RANBP2: variants seen among roughly 807,000 people sequenced by gnomAD.
RANBP2 encodes the protein E3 SUMO-protein ligase RanBP2.
Under a neutral mutation model 303.6 loss-of-function variants are expected in RANBP2, and 57 were observed. The ratio of observed to expected loss-of-function variants is 0.19; its 90% CI spans 0.15 to 0.23. The LOEUF (loss-of-function observed/expected upper bound fraction) is 0.23. Ranked by LOEUF, RANBP2 falls within the 10% of genes least tolerant of loss-of-function variation. The probability of loss-of-function intolerance (pLI) is 1.00; values close to 1 mark genes in which losing one functional copy is unlikely to be tolerated. For synonymous variants in RANBP2, 1,167 were observed against 1,301.5 expected, an observed-to-expected ratio of 0.90 and a Z score of 2.23; for missense variants, 3,138 against 3,780.8, an observed-to-expected ratio of 0.83 and a Z score of 4.46.
At chr2:109,345,312 G>A in the RANBP2 span, among the ~76,000 whole-genome samples, 1 of 152,142 alleles carries the variant, frequency 6.6e-6, no homozygotes, top group East Asian at 1.9e-4. Flanking sequence ...GAAACACAGT[G>A]TCCCCTTCTC....
chr2:108,743,920 T>C (rs1261378144), intron 7 of RANBP2, among the ~76,000 whole-genome samples: 1 of 152,216 alleles, frequency 6.6e-6, no homozygotes, highest in Non-Finnish European at 1.5e-5. Context: ...ATCAGTTTAT[T>C]TTAAAGCTTA....
chr2:109,562,477 C>T, the RANBP2 span, among the ~76,000 whole-genome samples: 1 of 152,024 alleles, frequency 6.6e-6, no homozygotes. Flanking sequence ...CACATACACC[C>T]AATGACTAGC....
chr2:109,499,364 T>C, the RANBP2 span, among the ~76,000 whole-genome samples: 1 of 152,032 alleles, frequency 6.6e-6, no homozygotes, highest in Non-Finnish European at 1.5e-5. Flanking sequence ...GCAGAGAGAA[T>C]AGCTGCACCC....
At chr2:109,435,461 C>A in the RANBP2 span, among the ~76,000 whole-genome samples, 10 of 152,212 alleles carry the variant, frequency 6.6e-5, no homozygotes, top group African/African-American at 2.4e-4. Context: ...CTGTGTTTGC[C>A]CCCATCGTGC....
the RANBP2 span, among the ~76,000 whole-genome samples, chr2:109,194,038 G>T: frequency 4.6e-5 from 7 of 152,310 alleles, no homozygotes; most frequent in African/African-American, 1.7e-4. Context: ...AGTCTGTTCT[G>T]CCTGTGTGTG....
At chr2:109,085,366 C>T in the RANBP2 span, among the ~76,000 whole-genome samples, 1 of 152,152 alleles carries the variant, frequency 6.6e-6, no homozygotes, top group South Asian at 2.1e-4. Flanking sequence ...TGCAGTGGCG[C>T]AATCTCGGCT....
intron 23 of RANBP2, among the ~76,000 whole-genome samples, chr2:108,774,686 G>A (rs995610218): frequency 2.0e-5 from 3 of 148,576 alleles, no homozygotes; most frequent in Admixed American, 6.7e-5. Flanking sequence ...CTTGGATTTT[G>A]CACTTTTTTT....
At chr2:108,985,140 A>C in the RANBP2 span, among the ~76,000 whole-genome samples, 2 of 152,160 alleles carry the variant, frequency 1.3e-5, no homozygotes, top group South Asian at 4.1e-4. Context: ...GGAGACTAAT[A>C]CTGTATCTTA....
At chr2:109,763,121 A>G in the RANBP2 span, among the ~76,000 whole-genome samples, 1 of 150,014 alleles carries the variant, frequency 6.7e-6, no homozygotes, top group Non-Finnish European at 1.5e-5. Context: ...AGGGTAAGTA[A>G]GTGGTAGTAG....
intron 13 of RANBP2, 128 bp downstream of exon 13, chr2:108,753,287 T>G: frequency 6.2e-7 from 1 of 1,604,934 alleles, no homozygotes; most frequent in Non-Finnish European, 8.5e-7. Flanking sequence ...CTAAATTCAC[T>G]AGCTCTCACA....
At chr2:108,997,190 C>T in the RANBP2 span, among the ~76,000 whole-genome samples, 1 of 152,080 alleles carries the variant, frequency 6.6e-6, no homozygotes, top group Non-Finnish European at 1.5e-5. Flanking sequence ...GCCTGTAATC[C>T]CAGCACTTTG....
chr2:109,299,369 T>G, the RANBP2 span, among the ~76,000 whole-genome samples: 2 of 151,768 alleles, frequency 1.3e-5, no homozygotes, highest in Admixed American at 6.6e-5. Flanking sequence ...TGACCACATA[T>G]TCCAGAAAGT....
the RANBP2 span, among the ~76,000 whole-genome samples, chr2:109,406,499 C>T: frequency 6.6e-6 from 1 of 152,108 alleles, no homozygotes; most frequent in Non-Finnish European, 1.5e-5. Flanking sequence ...TACTATGAGT[C>T]ACCGGTAGAA....
chr2:109,124,578 T>TG, the RANBP2 span: 1 of 152,260 alleles, frequency 6.6e-6, no homozygotes, highest in Admixed American at 6.5e-5. Flanking sequence ...CCCAAAGTGC[T>TG]GGGATTACAG....
At chr2:108,933,849 A>G in the RANBP2 span, among the ~76,000 whole-genome samples, 1 of 151,878 alleles carries the variant, frequency 6.6e-6, no homozygotes, top group Admixed American at 6.6e-5. Context: ...CCTGAAGGGG[A>G]ACTGATAGGA....
At chr2:109,159,302 G>A in the RANBP2 span, among the ~76,000 whole-genome samples, 2 of 152,200 alleles carry the variant, frequency 1.3e-5, no homozygotes, top group Non-Finnish European at 2.9e-5. Flanking sequence ...GACCGCTGCT[G>A]TACCGCGGTT....
chr2:109,741,594 C>G, the RANBP2 span, among the ~76,000 whole-genome samples: 1 of 131,682 alleles, frequency 7.6e-6, no homozygotes, highest in Non-Finnish European at 1.6e-5. Context: ...GTGGTGGGCA[C>G]CTGTAATCCC....
the RANBP2 span, among the ~76,000 whole-genome samples, chr2:109,228,360 G>A: frequency 6.6e-6 from 1 of 152,272 alleles, no homozygotes; most frequent in East Asian, 1.9e-4. Context: ...TGGGATGTGT[G>A]TTCTATTTCC....
chr2:109,478,150 C>G, the RANBP2 span, among the ~76,000 whole-genome samples: 2 of 152,248 alleles, frequency 1.3e-5, no homozygotes, highest in South Asian at 4.1e-4. Context: ...TGGAGGCCGC[C>G]TTTGGGGCAG....
Sources: gnomAD v4.1 joint callset for allele counts (sites outside exome capture counted in the v4.1 genomes callset) on GRCh38, gnomAD v4.1.1 for gene constraint, MANE v1.5 for transcripts, NCBI Gene and HGNC (gene_info 2026-07-23, HGNC 2026-07-21) for gene names.